The following SLC25A21 variants were observed in gnomAD, a reference collection of about 807,000 sequenced individuals.
SLC25A21 encodes mitochondrial 2-oxodicarboxylate carrier.
A neutral mutation model predicts 43.8 loss-of-function variants in SLC25A21; 47 were observed. The ratio of observed to expected loss-of-function variants is 1.07; its 90% CI spans 0.85 to 1.37. SLC25A21 has a LOEUF of 1.37. SLC25A21 is among the 40% of genes most tolerant of loss of function. The pLI is 0.00. For missense variants in SLC25A21, 352 were observed against 350.2 expected (o/e 1.00, Z -0.04); for synonymous variants, 131 against 121.3 (o/e 1.08, Z -0.52).
intron 2 of SLC25A21, among the ~76,000 whole-genome samples, chr14:36,870,231 G>A (rs1890330475): frequency 6.6e-6 from 1 of 152,186 alleles, no homozygotes; most frequent in South Asian, 2.1e-4. Context: ...AAGAATGAGT[G>A]ATGTATTAGT....
intron 1 of SLC25A21, among the ~76,000 whole-genome samples, chr14:37,086,993 G>T (rs546241779): frequency 1.6e-3 from 250 of 152,262 alleles, no homozygotes; most frequent in African/African-American, 6.0e-3. Context: ...TAAAATTTGT[G>T]CAGAAGCCTA....
intron 1 of SLC25A21, among the ~76,000 whole-genome samples, chr14:37,161,950 G>A (rs377094787): frequency 3.6e-4 from 41 of 112,348 alleles, no homozygotes; most frequent in East Asian, 2.3e-3. Context: ...GCGACAGAGC[G>A]AGACTCCGTC....
At chr14:37,032,855 G>A (rs577259382) in intron 1 of SLC25A21, among the ~76,000 whole-genome samples, 3 of 151,956 alleles carry the variant, frequency 2.0e-5, no homozygotes, top group South Asian at 2.1e-4. Flanking sequence ...TCTGCGTACC[G>A]CCCTTTGGAA....
At chr14:37,111,628 T>C (rs1169373163) in intron 1 of SLC25A21, among the ~76,000 whole-genome samples, 1 of 152,190 alleles carries the variant, frequency 6.6e-6, no homozygotes, top group Non-Finnish European at 1.5e-5. Flanking sequence ...ATATTTCTCA[T>C]CTATACCAGT....
At chr14:36,904,203 C>G (rs1370984414) in intron 1 of SLC25A21, among the ~76,000 whole-genome samples, 1 of 152,124 alleles carries the variant, frequency 6.6e-6, no homozygotes, top group African/African-American at 2.4e-5. Context: ...GACCCAGATT[C>G]AAAAATTGAC....
chr14:36,811,405 C>CT (rs1231760239), intron 3 of SLC25A21, among the ~76,000 whole-genome samples: 1 of 152,060 alleles, frequency 6.6e-6, no homozygotes, highest in Non-Finnish European at 1.5e-5. Context: ...AATCCTAGCA[C>CT]TTTGGGAGGC....
chr14:37,158,267 G>C (rs1476303937), intron 1 of SLC25A21, among the ~76,000 whole-genome samples: 1 of 151,952 alleles, frequency 6.6e-6, no homozygotes, highest in African/African-American at 2.4e-5. Context: ...AACCAGAAAA[G>C]AACAGAACAA....
intron 2 of SLC25A21, among the ~76,000 whole-genome samples, chr14:36,856,118 C>T (rs1313511298): frequency 6.6e-6 from 1 of 152,084 alleles, no homozygotes; most frequent in Non-Finnish European, 1.5e-5. Flanking sequence ...CTCCATTACA[C>T]TGGGGGAAGG....
At chr14:36,830,557 TA>T (rs1889001555) in intron 2 of SLC25A21, among the ~76,000 whole-genome samples, 1 of 152,172 alleles carries the variant, frequency 6.6e-6, no homozygotes, top group Non-Finnish European at 1.5e-5. Context: ...AAAGGGGTAC[TA>T]GACATCAATC....
intron 2 of SLC25A21, among the ~76,000 whole-genome samples, chr14:36,864,166 A>T (rs58440122): frequency 0.019 from 2,832 of 152,262 alleles, 98 homozygotes; most frequent in African/African-American, 0.066. Context: ...GGTCATTCCT[A>T]GGTTATATTA....
chr14:36,989,306 C>A (rs568032310), intron 1 of SLC25A21, among the ~76,000 whole-genome samples: 3 of 152,088 alleles, frequency 2.0e-5, no homozygotes, highest in Middle Eastern at 3.4e-3. Context: ...CCTCCACTGG[C>A]AGCCCCTCTA....
chr14:37,013,180 C>T (rs1594752112), intron 1 of SLC25A21, among the ~76,000 whole-genome samples: 1 of 152,268 alleles, frequency 6.6e-6, no homozygotes, highest in African/African-American at 2.4e-5. Flanking sequence ...GAACACCAGG[C>T]TTTCTCCCAC....
chr14:37,084,395 T>C (rs565055065), intron 1 of SLC25A21, among the ~76,000 whole-genome samples: 1 of 152,200 alleles, frequency 6.6e-6, no homozygotes, highest in Non-Finnish European at 1.5e-5. Flanking sequence ...ATAGGCAATT[T>C]TGAGATGTAC....
intron 1 of SLC25A21, among the ~76,000 whole-genome samples, chr14:37,068,852 T>A (rs1028702034): frequency 6.6e-6 from 1 of 152,156 alleles, no homozygotes; most frequent in Non-Finnish European, 1.5e-5. Context: ...CCAAACATTA[T>A]AAGCTAAAAA....
At chr14:36,735,063 G>C (rs891896761) in intron 3 of SLC25A21, among the ~76,000 whole-genome samples, 2 of 152,150 alleles carry the variant, frequency 1.3e-5, no homozygotes, top group African/African-American at 2.4e-5. Flanking sequence ...TATGGTACTA[G>C]AGCTTCCAGC....
intron 1 of SLC25A21, among the ~76,000 whole-genome samples, chr14:37,093,760 CTTTAACAAACAAACCA>C (rs1161534200): frequency 1.3e-5 from 2 of 152,292 alleles, no homozygotes; most frequent in Non-Finnish European, 1.5e-5. Flanking sequence ...TTAATGATTT[CTTTAACAAACAAACCA>C]TTTAACCTGA....
At chr14:37,051,983 C>T (rs539801860) in intron 1 of SLC25A21, among the ~76,000 whole-genome samples, 5 of 152,186 alleles carry the variant, frequency 3.3e-5, no homozygotes, top group East Asian at 1.9e-4. Context: ...CCGAAGGGCC[C>T]GAGCACATCC....
At chr14:36,767,975 T>C (rs1886476550) in intron 3 of SLC25A21, among the ~76,000 whole-genome samples, 1 of 152,330 alleles carries the variant, frequency 6.6e-6, no homozygotes, top group Non-Finnish European at 1.5e-5. Flanking sequence ...GCTGTTGTAA[T>C]CCTGGCCCAC....
intron 7 of SLC25A21, among the ~76,000 whole-genome samples, chr14:36,695,858 G>A (rs1017269741): frequency 6.6e-6 from 1 of 152,164 alleles, no homozygotes; most frequent in Non-Finnish European, 1.5e-5. Flanking sequence ...TGCAAACAGA[G>A]ACAATTTGAC....
Sources: allele counts gnomAD v4.1 joint callset (sites outside exome capture counted in the v4.1 genomes callset), GRCh38; gene constraint gnomAD v4.1.1; transcripts MANE v1.5; gene names NCBI Gene and HGNC (gene_info 2026-07-23, HGNC 2026-07-21).